SIPA1L1: variants seen among roughly 807,000 people sequenced by gnomAD.
SIPA1L1 encodes signal-induced proliferation-associated 1-like protein 1.
In SIPA1L1, 26 loss-of-function variants were observed where a neutral mutation model predicts 162.7. The observed-to-expected ratio is 0.16, with a 90% CI of 0.12 to 0.22. The LOEUF (loss-of-function observed/expected upper bound fraction) is 0.22, where lower values mean the gene tolerates loss of function less well. Ranked by LOEUF, SIPA1L1 falls within the 10% of genes least tolerant of loss-of-function variation. The probability of loss-of-function intolerance (pLI) is 1.00; values close to 1 mark genes in which losing one functional copy is unlikely to be tolerated. For synonymous variants in SIPA1L1, 829 were observed against 837.4 expected, an observed-to-expected ratio of 0.99 and a Z score of 0.17; for missense variants, 1,874 against 2,241.0, an observed-to-expected ratio of 0.84 and a Z score of 3.31.
chr14:71,337,936 A>T (rs1384309429), intron 2 of SIPA1L1, among the ~76,000 whole-genome samples: 2 of 152,144 alleles, frequency 1.3e-5, no homozygotes, highest in Admixed American at 6.5e-5. Flanking sequence ...GCAGAGTGAG[A>T]CCATGTCTTA....
intron 3 of SIPA1L1, among the ~76,000 whole-genome samples, chr14:71,520,998 C>A (rs2052293069): frequency 6.6e-6 from 1 of 152,182 alleles, no homozygotes; most frequent in Admixed American, 6.5e-5. Context: ...ATGCAGTCTG[C>A]CTGCCTCAGC....
intron 2 of SIPA1L1, among the ~76,000 whole-genome samples, chr14:71,463,550 G>A (rs2046768358): frequency 6.6e-6 from 1 of 152,142 alleles, no homozygotes; most frequent in Non-Finnish European, 1.5e-5. Flanking sequence ...AGTTACCCTG[G>A]TAAAAGGCCA....
rs1168199696 is a variant in SIPA1L1 at position 71,739,856 on chromosome 14, C to G, written c.*695C>G. Reference sequence around the variant, plus strand: ...CATTGTGAGGTCATTTCCTGCTTCTCCCTTTCCCCAGGAAGATGGTCCCAC... The same window carrying G: ...CATTGTGAGGTCATTTCCTGCTTCTGCCTTTCCCCAGGAAGATGGTCCCAC... On this transcript the variant is annotated 3_prime_UTR_variant, in exon 24 of 24. Transcript: ENST00000381232. 1 of 152,246 alleles carries G rather than the reference C, an allele frequency of 6.6e-6. No homozygotes were observed. Among genetic ancestry groups the G allele is most frequent in the Non-Finnish European group, 1.5e-5 (1 of 68,060 alleles). 9.4% of individuals were successfully genotyped at this position (152,246 alleles called of 1,614,324 possible).
rs182209253 is a variant in SIPA1L1 at position 71,348,459 on chromosome 14, G to A, written c.-465+27278G>A. Reference sequence around the variant, plus strand: ...CATTTTCTTTAGTCAATAGTTTTCCGTTGTATCAATATCCAACTCTTTATA... The same window carrying A: ...CATTTTCTTTAGTCAATAGTTTTCCATTGTATCAATATCCAACTCTTTATA... On this transcript the variant is annotated intron_variant, in intron 2 of 23. Transcript: ENST00000381232. Among the ~76,000 whole-genome samples, 85 of 152,082 alleles carry A rather than the reference G, an allele frequency of 5.6e-4. 2 individuals carry two copies. In the East Asian group the frequency reaches 0.011, roughly 19 times the overall value.
intron 10 of SIPA1L1, among the ~76,000 whole-genome samples, chr14:71,663,812 T>G (rs1300142254): frequency 6.6e-6 from 1 of 152,184 alleles, no homozygotes; most frequent in Non-Finnish European, 1.5e-5. Context: ...TGTGGGCAGG[T>G]CTGGAATTTC....
At chr14:71,699,148 T>C in intron 14 of SIPA1L1, 21 bp downstream of exon 14, 3 of 1,612,454 alleles carry the variant, frequency 1.9e-6, no homozygotes, top group Non-Finnish European at 2.5e-6. Context: ...GTTTGTCCCA[T>C]TGTACATGGT....
At chr14:71,526,470 G>A (rs1016756043) in intron 3 of SIPA1L1, among the ~76,000 whole-genome samples, 2 of 152,110 alleles carry the variant, frequency 1.3e-5, no homozygotes, top group Non-Finnish European at 2.9e-5. Flanking sequence ...TGGCATCTTT[G>A]TCTCAACATT....
At chr14:71,474,287 T>C (rs1308892494) in intron 2 of SIPA1L1, among the ~76,000 whole-genome samples, 1 of 152,116 alleles carries the variant, frequency 6.6e-6, no homozygotes, top group African/African-American at 2.4e-5. Context: ...TCTAAGAAAA[T>C]TTAGTTATTT....
At chr14:71,637,225 T>A (rs1212191152) in intron 7 of SIPA1L1, among the ~76,000 whole-genome samples, 1 of 150,288 alleles carries the variant, frequency 6.7e-6, no homozygotes. Flanking sequence ...AAACAGACAA[T>A]ACAAATCTTG....
chr14:71,676,079 A>T, intron 12 of SIPA1L1, among the ~76,000 whole-genome samples: 1 of 133,812 alleles, frequency 7.5e-6, no homozygotes, highest in East Asian at 2.6e-4. Flanking sequence ...CAACATGGTG[A>T]GGCTGGTCTC....
At chr14:71,536,907 T>G (rs1440040378) in intron 4 of SIPA1L1, among the ~76,000 whole-genome samples, 1 of 152,244 alleles carries the variant, frequency 6.6e-6, no homozygotes, top group Non-Finnish European at 1.5e-5. Context: ...TTTAACTTGT[T>G]AAAAAATATT....
chr14:71,344,845 T>A (rs2036000855), intron 2 of SIPA1L1, among the ~76,000 whole-genome samples: 1 of 152,178 alleles, frequency 6.6e-6, no homozygotes, highest in Non-Finnish European at 1.5e-5. Context: ...GGAGGTGTCG[T>A]GAGCCACTGT....
chr14:71,471,886 G>C (rs1027741442), intron 2 of SIPA1L1, among the ~76,000 whole-genome samples: 2 of 152,224 alleles, frequency 1.3e-5, no homozygotes, highest in African/African-American at 2.4e-5. Context: ...AATTTAGATA[G>C]AAAAGATAGG....
intron 2 of SIPA1L1, among the ~76,000 whole-genome samples, chr14:71,509,770 G>T (rs2050972991): frequency 6.6e-6 from 1 of 151,012 alleles, no homozygotes; most frequent in Admixed American, 6.6e-5. Context: ...AAAGAAAAAA[G>T]AAAGAAAGCT....
chr14:71,738,189 A>AACC, intron 22 of SIPA1L1, 52 bp from the exon 23 acceptor site: 1 of 960,604 alleles, frequency 1.0e-6, no homozygotes, highest in Non-Finnish European at 1.5e-6. Context: ...AAAAAAAACA[A>AACC]ACCCAGCCAT....
Position 71,549,311 on chromosome 14 carries a change from CT to C in SIPA1L1, c.-303+19952del, listed in dbSNP as rs1287605382. 2.2e-3 allele frequency among the ~76,000 whole-genome samples: 319 copies of C among 147,882 alleles called. 1 individual carries two copies. Among genetic ancestry groups the C allele is most frequent in the African/African-American group, 6.9e-3 (279 of 40,382 alleles). On this transcript the variant is annotated intron_variant, in intron 4 of 23. Transcript: ENST00000381232. The stretch of plus-strand genomic sequence containing the variant: ...CCTCATCATCTAGGGAAGAGACTAC[CT>C]TTTTTTTTTTCTTTTTTAAATGCCG...
intron 2 of SIPA1L1, among the ~76,000 whole-genome samples, chr14:71,357,814 G>T (rs1428380857): frequency 6.6e-6 from 1 of 152,112 alleles, no homozygotes; most frequent in Non-Finnish European, 1.5e-5. Context: ...TGCAACCTCT[G>T]CCTCCTGGGC....
chr14:71,603,027 G>T (rs1238473855), intron 5 of SIPA1L1, among the ~76,000 whole-genome samples: 1 of 152,108 alleles, frequency 6.6e-6, no homozygotes, highest in Admixed American at 6.5e-5. Flanking sequence ...TTATGTATCT[G>T]GGTGCTCTGG....
intron 2 of SIPA1L1, among the ~76,000 whole-genome samples, chr14:71,372,138 A>G (rs2038947981): frequency 2.0e-5 from 3 of 152,304 alleles, no homozygotes; most frequent in African/African-American, 7.2e-5. Flanking sequence ...TGGTCAGTAT[A>G]TACTGGGTGA....
Sources: gnomAD v4.1 joint callset for allele counts (sites outside exome capture counted in the v4.1 genomes callset) on GRCh38, gnomAD v4.1.1 for gene constraint, MANE v1.5 for transcripts, NCBI Gene and HGNC (gene_info 2026-07-23, HGNC 2026-07-21) for gene names.